The following CNTN3 variants were observed in gnomAD, a reference collection of about 807,000 sequenced individuals.
CNTN3 encodes the protein contactin 3, also known as contactin-3.
In CNTN3, 60 loss-of-function variants were observed where a neutral mutation model predicts 119.1. The observed-to-expected ratio is 0.50, with a 90% CI of 0.41 to 0.62. The LOEUF is 0.62. CNTN3 is among the 20% of genes least tolerant of loss of function. CNTN3 has a pLI of 0.00. For synonymous variants in CNTN3, 450 were observed against 438.7 expected, an observed-to-expected ratio of 1.03 and a Z score of -0.32; for missense variants, 1,101 against 1,242.4, an observed-to-expected ratio of 0.89 and a Z score of 1.71.
At chr3:74,593,009 C>T (rs149417003) in intron 1 of CNTN3, among the ~76,000 whole-genome samples, 145 of 151,980 alleles carry the variant, frequency 9.5e-4, no homozygotes, top group Non-Finnish European at 1.6e-3. Context: ...AAAATATAAA[C>T]GAATATGCAA....
intron 11 of CNTN3, among the ~76,000 whole-genome samples, chr3:74,344,797 T>C (rs1703651810): frequency 6.6e-6 from 1 of 152,052 alleles, no homozygotes; most frequent in Non-Finnish European, 1.5e-5. Flanking sequence ...GACACAAGGT[T>C]CTTTGAGTAC....
intron 4 of CNTN3, among the ~76,000 whole-genome samples, chr3:74,453,149 A>C (rs546309623): frequency 6.6e-6 from 1 of 151,018 alleles, no homozygotes; most frequent in African/African-American, 2.4e-5. Context: ...CTGGTCCTGG[A>C]CTCTTTTTGG....
chr3:74,598,941 T>C (rs1704859825), intron 1 of CNTN3, among the ~76,000 whole-genome samples: 1 of 152,040 alleles, frequency 6.6e-6, no homozygotes, highest in African/African-American at 2.4e-5. Context: ...AGAGTTAACA[T>C]TTAGATGTAG....
At chr3:74,342,423 G>C (rs767758250) in intron 11 of CNTN3, among the ~76,000 whole-genome samples, 13 of 152,048 alleles carry the variant, frequency 8.5e-5, no homozygotes, top group Non-Finnish European at 1.5e-4. Context: ...AAATCTCCAA[G>C]GAAAGGAAAA....
chr3:74,428,373 G>A (rs905462269), intron 4 of CNTN3, among the ~76,000 whole-genome samples: 1 of 152,026 alleles, frequency 6.6e-6, no homozygotes, highest in African/African-American at 2.4e-5. Flanking sequence ...GCATGTTATT[G>A]CCCCTGAAGA....
chr3:74,396,397 T>C (rs989697105), intron 5 of CNTN3, among the ~76,000 whole-genome samples: 2 of 152,040 alleles, frequency 1.3e-5, no homozygotes, highest in African/African-American at 4.8e-5. Context: ...TAGAGAAAAT[T>C]TGAGTGAAGA....
At chr3:74,267,529 AAC>A (rs1411593618) in intron 20 of CNTN3, 151 bp from the exon 21 acceptor site, 10 of 542,590 alleles carry the variant, frequency 1.8e-5, no homozygotes, top group Middle Eastern at 2.8e-4. Context: ...AGAAAAAAAT[AAC>A]AGAGTATATA....
chr3:74,302,653 G>T, intron 14 of CNTN3, 37 bp downstream of exon 14: 1 of 1,217,932 alleles, frequency 8.2e-7, no homozygotes. Context: ...CTGTTAAGAT[G>T]TGAAGTGACA....
At chr3:74,523,869 G>A (rs1371648784) in intron 1 of CNTN3, among the ~76,000 whole-genome samples, 1 of 151,866 alleles carries the variant, frequency 6.6e-6, no homozygotes, top group African/African-American at 2.4e-5. Flanking sequence ...AATCTCTGAA[G>A]GTAGAACCAC....
chr3:74,560,615 G>T (rs565229904), intron 1 of CNTN3, among the ~76,000 whole-genome samples: 4 of 152,098 alleles, frequency 2.6e-5, no homozygotes, highest in African/African-American at 4.8e-5. Flanking sequence ...AGACAGTGTG[G>T]TGATTCCTCA....
chr3:74,484,914 AT>A (rs1198831661), intron 4 of CNTN3, among the ~76,000 whole-genome samples: 3 of 147,932 alleles, frequency 2.0e-5, no homozygotes, highest in Non-Finnish European at 2.9e-5. Flanking sequence ...ACATACTTGA[AT>A]TTTTTAATGT....
chr3:74,297,215 G>T (rs1231659456), intron 18 of CNTN3, among the ~76,000 whole-genome samples: 1 of 151,948 alleles, frequency 6.6e-6, no homozygotes, highest in Admixed American at 6.6e-5. Flanking sequence ...AGCTCCAAGG[G>T]GTATATTTTT....
rs890087865 is a variant in CNTN3, at chr3:74,486,581, T to G, written c.233A>C (p.Lys78Thr). 6.2e-7 allele frequency: 1 copy of G among 1,608,588 alleles called. No individual in the cohort carries two copies. The highest frequency in any genetic ancestry group is 1.3e-5 in the African/African-American group (1 of 74,562). The change falls in exon 4 of 23, where the codon AAG becomes ACG. Residue 78 changes from lysine (K) to threonine (T), a missense_variant. Transcript: ENST00000263665. ...AACCACAAGATTTCCTCCATTCAACTTATAACGATGTTCCATACTCATATC... is the reference window on the plus strand; with the variant it reads ...AACCACAAGATTTCCTCCATTCAACGTATAACGATGTTCCATACTCATATC... ...DIDMSMEHRY[K>T]LNGGNLVVIN...
At chr3:74,411,868 G>A (rs1701444444) in intron 5 of CNTN3, among the ~76,000 whole-genome samples, 1 of 152,136 alleles carries the variant, frequency 6.6e-6, no homozygotes, top group Non-Finnish European at 1.5e-5. Context: ...GTGGCAGGCT[G>A]TATAAAAACC....
chr3:74,418,064 G>A (rs79380521), intron 5 of CNTN3, among the ~76,000 whole-genome samples: 2,962 of 152,138 alleles, frequency 0.019, 85 homozygotes, highest in African/African-American at 0.068. Context: ...TGACATAAGT[G>A]CTGCTGTAAT....
At chr3:74,473,125 G>A (rs1156408886) in intron 4 of CNTN3, among the ~76,000 whole-genome samples, 4 of 150,608 alleles carry the variant, frequency 2.7e-5, no homozygotes, top group Non-Finnish European at 5.9e-5. Flanking sequence ...CTACTGATAG[G>A]AGCAATGTGG....
At chr3:74,451,070 A>G (rs1286978424) in intron 4 of CNTN3, among the ~76,000 whole-genome samples, 1 of 152,018 alleles carries the variant, frequency 6.6e-6, no homozygotes, top group African/African-American at 2.4e-5. Flanking sequence ...CTAGTTCTAG[A>G]TCCCTGAGGA....
chr3:74,563,589 T>C (rs1318945526), intron 1 of CNTN3, among the ~76,000 whole-genome samples: 1 of 152,068 alleles, frequency 6.6e-6, no homozygotes, highest in African/African-American at 2.4e-5. Flanking sequence ...AAAACTCCAA[T>C]TGCCAGAAAC....
intron 5 of CNTN3, among the ~76,000 whole-genome samples, chr3:74,407,353 C>G (rs191832459): frequency 1.1e-3 from 163 of 149,130 alleles, no homozygotes; most frequent in Admixed American, 2.8e-3. Flanking sequence ...ACCATAACCT[C>G]CACCTCCTGG....
Sources: gnomAD v4.1 joint callset for allele counts (sites outside exome capture counted in the v4.1 genomes callset) on GRCh38, gnomAD v4.1.1 for gene constraint, MANE v1.5 for transcripts, NCBI Gene and HGNC (gene_info 2026-07-23, HGNC 2026-07-21) for gene names.